Variants in PRKCA observed in about 807,000 individuals in gnomAD.
PRKCA encodes protein kinase C alpha.
PRKCA carries 27 observed loss-of-function variants against 87.0 expected under a neutral mutation model. That is an observed-to-expected ratio of 0.31 (90% CI 0.23 to 0.43). PRKCA has a LOEUF of 0.43. Ranked by LOEUF, PRKCA falls within the 20% of genes least tolerant of loss-of-function variation. The pLI is 1.00. For missense variants in PRKCA, 518 were observed against 852.3 expected (o/e 0.61, Z 4.88); for synonymous variants, 329 against 311.1 (o/e 1.06, Z -0.61).
At chr17:66,470,458 C>T (rs1915278736) in intron 2 of PRKCA, among the ~76,000 whole-genome samples, 1 of 151,932 alleles carries the variant, frequency 6.6e-6, no homozygotes, top group South Asian at 2.1e-4. Flanking sequence ...GAACTCCTGA[C>T]CTCAGGTGAT....
intron 16 of PRKCA, among the ~76,000 whole-genome samples, chr17:66,793,310 C>T (rs1202964125): frequency 6.6e-6 from 1 of 152,118 alleles, no homozygotes; most frequent in African/African-American, 2.4e-5. Context: ...GGCCTGTAGG[C>T]CAGGCGTGGT....
Position 66,302,945 on chromosome 17 carries a change from C to CACG in PRKCA, c.96_98dup (p.His32_Glu33insAsp), listed in dbSNP as rs1460978804. ...AGGGGCGCTGAGGCAGAAGAACGTG[C>CACG]ACGAGGTGAAGGACCACAAATTCAT... On this transcript the variant is annotated inframe_insertion, in exon 1 of 17. Transcript: ENST00000413366. 4 of 1,612,742 alleles carry CACG rather than the reference C, an allele frequency of 2.5e-6. No homozygotes were observed. The highest frequency in any genetic ancestry group is 3.4e-6 in the Non-Finnish European group (4 of 1,179,346).
chr17:66,759,874 A>G (rs1974642653), intron 13 of PRKCA, among the ~76,000 whole-genome samples: 1 of 152,238 alleles, frequency 6.6e-6, no homozygotes, highest in South Asian at 2.1e-4. Flanking sequence ...TCTCCAAGAA[A>G]ACATAGCAGT....
At chr17:66,793,281 ACCCGAGT>A (rs956579923) in intron 16 of PRKCA, among the ~76,000 whole-genome samples, 1 of 151,642 alleles carries the variant, frequency 6.6e-6, no homozygotes, top group African/African-American at 2.4e-5. Context: ...TCAACAACAA[ACCCGAGT>A]CATCAAAAAG....
chr17:66,317,279 C>G (rs1446967708), intron 2 of PRKCA, among the ~76,000 whole-genome samples: 7 of 152,162 alleles, frequency 4.6e-5, no homozygotes, highest in Non-Finnish European at 7.3e-5. Context: ...TGTGTTTTCA[C>G]CGTGGTCAGA....
At chr17:66,426,863 A>G (rs556388072) in intron 2 of PRKCA, among the ~76,000 whole-genome samples, 5 of 152,160 alleles carry the variant, frequency 3.3e-5, no homozygotes, top group Non-Finnish European at 7.4e-5. Context: ...TCCTGTGACC[A>G]TGAGGAAAGC....
At chr17:66,613,709 G>A (rs1970436871) in intron 3 of PRKCA, among the ~76,000 whole-genome samples, 1 of 147,660 alleles carries the variant, frequency 6.8e-6, no homozygotes, top group South Asian at 2.2e-4. Flanking sequence ...TTGTGTGTGT[G>A]TCCTTTTCCT....
chr17:66,437,819 A>G (rs564510183), intron 2 of PRKCA, among the ~76,000 whole-genome samples: 1 of 151,062 alleles, frequency 6.6e-6, no homozygotes, highest in East Asian at 2.0e-4. Flanking sequence ...TCAAACCCTC[A>G]TAGGTGAACT....
intron 13 of PRKCA, among the ~76,000 whole-genome samples, chr17:66,757,678 G>A (rs956204177): frequency 7.2e-5 from 11 of 151,850 alleles, no homozygotes; most frequent in Non-Finnish European, 2.9e-5. Flanking sequence ...AAGGAAATGT[G>A]TTGCCAGTAG....
intron 2 of PRKCA, among the ~76,000 whole-genome samples, chr17:66,355,049 T>G (rs1299362231): frequency 6.6e-6 from 1 of 152,228 alleles, no homozygotes; most frequent in African/African-American, 2.4e-5. Flanking sequence ...AACGTGGAAA[T>G]GATCTTTGGC....
At position 66,732,729 on chromosome 17, in the gene PRKCA, C is replaced by T. The variant is rs750413625; in HGVS notation, c.960C>T (p.Pro320=). 2.5e-6 allele frequency: 4 copies of T among 1,614,174 alleles called. No individual in the cohort carries two copies. The highest frequency in any genetic ancestry group is 3.4e-6 in the Non-Finnish European group (4 of 1,180,010). ...LGPAGNKVIS[P]SEDRKQPSNN... is the part of the protein sequence containing the mutation. ...CTGCTGGCAACAAAGTCATCAGTCC[C>T]TCTGAAGACAGGAAACAACCTTCCA... The change falls in exon 9 of 17, where the codon CCC becomes CCT. Residue 320 remains proline, a synonymous_variant. Transcript: ENST00000413366.
At chr17:66,711,181 G>A (rs977072568) in intron 8 of PRKCA, among the ~76,000 whole-genome samples, 2 of 152,100 alleles carry the variant, frequency 1.3e-5, no homozygotes, top group African/African-American at 4.8e-5. Flanking sequence ...TCTTTAAATG[G>A]ACAGCTCATT....
At chr17:66,580,864 T>G (rs1484530390) in intron 3 of PRKCA, among the ~76,000 whole-genome samples, 1 of 152,158 alleles carries the variant, frequency 6.6e-6, no homozygotes, top group East Asian at 1.9e-4. Context: ...GCCTGTTTTT[T>G]GGGCTTTCTA....
In PRKCA at chr17:66,743,144, C is replaced by T. The variant is rs61761555; in HGVS notation, c.1524+384C>T. Among the ~76,000 whole-genome samples, 382 of 152,298 alleles carry T rather than the reference C, an allele frequency of 2.5e-3. 2 individuals carry two copies. The highest frequency in any genetic ancestry group is 8.7e-3 in the African/African-American group (362 of 41,558). On this transcript the variant is annotated intron_variant, in intron 13 of 16. Coordinates refer to ENST00000413366, the MANE Select transcript of PRKCA (RefSeq NM_002737.3). ...AGGAGTTCAAGACCAGCCTGGCCAA[C>T]GTGGTGAAACCCCATCTCTACTAAA...
At chr17:66,377,721 A>ATAT (rs1350881561) in intron 2 of PRKCA, among the ~76,000 whole-genome samples, 2,058 of 69,122 alleles carry the variant, frequency 0.03, 69 homozygotes, top group Middle Eastern at 0.062. Context: ...ATATATATAT[A>ATAT]TTTTTTTTTT....
rs115770857 is a variant in PRKCA, at chr17:66,448,397, T to C, written c.206-47804T>C. Among the ~76,000 whole-genome samples, 1,274 of 152,268 alleles carry C rather than the reference T, an allele frequency of 8.4e-3. 14 individuals are homozygous for C. Among genetic ancestry groups the C allele is most frequent in the African/African-American group, 0.029 (1,224 of 41,532 alleles). On this transcript the variant is annotated intron_variant, in intron 2 of 16. Transcript: ENST00000413366. Reference sequence around the variant, plus strand: ...GAAATCGAGACGCCTGATGGAAGTTTGTGTGTCGTTTTGGCTGCGTTAGGC... The same window carrying C: ...GAAATCGAGACGCCTGATGGAAGTTCGTGTGTCGTTTTGGCTGCGTTAGGC...
At chr17:66,696,241 G>T (rs1309446378) in intron 8 of PRKCA, among the ~76,000 whole-genome samples, 2 of 152,180 alleles carry the variant, frequency 1.3e-5, no homozygotes, top group African/African-American at 4.8e-5. Flanking sequence ...TTCAAATCCT[G>T]CCCCTTTTAT....
chr17:66,578,084 A>C (rs543342587), intron 3 of PRKCA, among the ~76,000 whole-genome samples: 2 of 151,924 alleles, frequency 1.3e-5, no homozygotes, highest in Admixed American at 1.3e-4. Context: ...TGAAATGCCA[A>C]ATTCAGAAGC....
chr17:66,393,712 T>C (rs547236538), intron 2 of PRKCA, among the ~76,000 whole-genome samples: 1 of 152,162 alleles, frequency 6.6e-6, no homozygotes, highest in African/African-American at 2.4e-5. Context: ...AGGAACCCTC[T>C]GGACAGGGGT....
Sources: gnomAD v4.1 joint callset for allele counts (sites outside exome capture counted in the v4.1 genomes callset) on GRCh38, gnomAD v4.1.1 for gene constraint, MANE v1.5 for transcripts, NCBI Gene and HGNC (gene_info 2026-07-23, HGNC 2026-07-21) for gene names.